PRR16: variants seen among roughly 807,000 people sequenced by gnomAD.
PRR16 encodes protein Largen.
Under a neutral mutation model 18.2 loss-of-function variants are expected in PRR16, and 6 were observed. The observed-to-expected ratio is 0.33, with a 90% CI of 0.18 to 0.65. The LOEUF (loss-of-function observed/expected upper bound fraction) is 0.65, where lower values mean the gene tolerates loss of function less well. Ranked by LOEUF, PRR16 falls within the 30% of genes least tolerant of loss-of-function variation. The pLI is 0.74. For missense variants in PRR16, 412 were observed against 376.6 expected (o/e 1.09, Z -0.78); for synonymous variants, 151 against 147.8 (o/e 1.02, Z -0.16).
At chr5:120,610,544 C>A (rs986716006) in intron 1 of PRR16, among the ~76,000 whole-genome samples, 11 of 151,934 alleles carry the variant, frequency 7.2e-5, no homozygotes, top group Non-Finnish European at 1.5e-4. Context: ...TCACGGGGGC[C>A]AGTCTTTCCC....
chr5:120,729,846 AG>A, the PRR16 span, among the ~76,000 whole-genome samples: 1 of 152,016 alleles, frequency 6.6e-6, no homozygotes. Context: ...GATGGGGAAA[AG>A]TTGTACGTGA....
chr5:120,669,220 A>G (rs563095791), intron 1 of PRR16, among the ~76,000 whole-genome samples: 17 of 152,182 alleles, frequency 1.1e-4, no homozygotes, highest in African/African-American at 3.6e-4. Flanking sequence ...TTATTACCCC[A>G]GTGTTTGAAT....
intron 1 of PRR16, among the ~76,000 whole-genome samples, chr5:120,600,338 A>G (rs926570560): frequency 6.6e-6 from 1 of 151,842 alleles, no homozygotes; most frequent in Non-Finnish European, 1.5e-5. Flanking sequence ...TACAATATGT[A>G]TACCTTCTCA....
the PRR16 span, among the ~76,000 whole-genome samples, chr5:120,790,989 G>C: frequency 6.6e-6 from 1 of 152,070 alleles, no homozygotes; most frequent in Non-Finnish European, 1.5e-5. Context: ...ACCATCATTT[G>C]ATATCATTAA....
chr5:120,774,473 G>A, the PRR16 span, among the ~76,000 whole-genome samples: 1 of 152,042 alleles, frequency 6.6e-6, no homozygotes, highest in Admixed American at 6.6e-5. Flanking sequence ...TCAAACGGGG[G>A]CAATTTTAAC....
intron 1 of PRR16, among the ~76,000 whole-genome samples, chr5:120,520,201 G>C (rs956314629): frequency 2.0e-5 from 3 of 152,118 alleles, no homozygotes; most frequent in Non-Finnish European, 4.4e-5. Flanking sequence ...TTCGAGACCA[G>C]TCTGGCCACA....
rs543680463 is a variant in PRR16 at position 120,480,288 on chromosome 5, G to C, written c.159+15643G>C. The stretch of plus-strand genomic sequence containing the variant: ...CAAAATGTTCAAGAGTTTAACATCT[G>C]CTTCCTGAAGTTACTAATACTCATA... On this transcript the variant is annotated intron_variant, in intron 1 of 1. Transcript: ENST00000407149. 7.2e-5 allele frequency among the ~76,000 whole-genome samples: 11 copies of C among 152,228 alleles called. No individual in the cohort carries two copies. In the South Asian group the frequency reaches 2.3e-3, roughly 32 times the overall value.
intron 1 of PRR16, among the ~76,000 whole-genome samples, chr5:120,673,781 AT>A: frequency 6.6e-6 from 1 of 152,060 alleles, no homozygotes; most frequent in Non-Finnish European, 1.5e-5. Flanking sequence ...TCTAAAAAAA[AT>A]AAAAAATAAA....
chr5:120,578,316 C>T (rs558785612), intron 1 of PRR16, among the ~76,000 whole-genome samples: 10 of 152,120 alleles, frequency 6.6e-5, no homozygotes, highest in Admixed American at 1.3e-4. Context: ...ATATGTAGAA[C>T]GTGGAGGTTT....
At chr5:120,467,888 G>T (rs568129994) in intron 1 of PRR16, among the ~76,000 whole-genome samples, 38 of 152,162 alleles carry the variant, frequency 2.5e-4, no homozygotes, top group Admixed American at 2.0e-3. Context: ...ATATAATTCA[G>T]TATACTTATT....
chr5:120,773,776 C>G, the PRR16 span, among the ~76,000 whole-genome samples: 6 of 151,990 alleles, frequency 3.9e-5, no homozygotes, highest in African/African-American at 1.4e-4. Context: ...AGGGAACAAA[C>G]ACAGATGTCT....
intron 1 of PRR16, among the ~76,000 whole-genome samples, chr5:120,562,068 A>G (rs1271573915): frequency 1.3e-5 from 2 of 152,110 alleles, no homozygotes; most frequent in Non-Finnish European, 1.5e-5. Flanking sequence ...TCAATCCTGA[A>G]TATGGGATAT....
intron 1 of PRR16, among the ~76,000 whole-genome samples, chr5:120,617,540 G>A (rs936626690): frequency 7.2e-5 from 11 of 151,946 alleles, no homozygotes; most frequent in Non-Finnish European, 1.6e-4. Flanking sequence ...GTTCAAAACC[G>A]CAAGATTTAA....
At chr5:120,507,793 C>T (rs561138800) in intron 1 of PRR16, among the ~76,000 whole-genome samples, 3 of 151,912 alleles carry the variant, frequency 2.0e-5, no homozygotes, top group Admixed American at 6.6e-5. Context: ...GCTTGGGTGT[C>T]TTTAAAAAAA....
intron 1 of PRR16, among the ~76,000 whole-genome samples, chr5:120,647,023 A>T (rs1375467): frequency 0.27 from 40,319 of 151,820 alleles, 6,310 homozygotes; most frequent in Middle Eastern, 0.42. Flanking sequence ...CATTTATATT[A>T]AAAAATGTTT....
At chr5:120,631,394 G>A (rs1032595643) in intron 1 of PRR16, among the ~76,000 whole-genome samples, 1 of 152,092 alleles carries the variant, frequency 6.6e-6, no homozygotes, top group Non-Finnish European at 1.5e-5. Context: ...CTGAAAAACT[G>A]TGAATCGGCT....
At chr5:120,511,397 C>T (rs1750820809) in intron 1 of PRR16, among the ~76,000 whole-genome samples, 1 of 152,136 alleles carries the variant, frequency 6.6e-6, no homozygotes, top group Admixed American at 6.6e-5. Flanking sequence ...CTCTCCTTCT[C>T]ATTTATTATT....
At position 120,548,354 on chromosome 5, in the gene PRR16, T is replaced by C. The variant is rs923217894; in HGVS notation, c.159+83709T>C. On this transcript the variant is annotated intron_variant, in intron 1 of 1. Coordinates refer to ENST00000407149, the MANE Select transcript of PRR16 (RefSeq NM_001300783.2). ...CATTTTTACATTATTGCTACACTTA[T>C]ACAAGTCTCTCCTTAAAGCTCAGCT... Among the ~76,000 whole-genome samples, 14 of 152,096 alleles carry C rather than the reference T, an allele frequency of 9.2e-5. No homozygotes were observed. In the East Asian group the frequency reaches 2.7e-3, roughly 29 times the overall value.
the PRR16 span, among the ~76,000 whole-genome samples, chr5:120,730,205 G>T: frequency 6.6e-6 from 1 of 152,118 alleles, no homozygotes; most frequent in Non-Finnish European, 1.5e-5. Flanking sequence ...ATGGTATGAA[G>T]ATTTTATACT....
Sources: gnomAD v4.1 joint callset for allele counts (sites outside exome capture counted in the v4.1 genomes callset) on GRCh38, gnomAD v4.1.1 for gene constraint, MANE v1.5 for transcripts, NCBI Gene and HGNC (gene_info 2026-07-23, HGNC 2026-07-21) for gene names.